SPATA16: variants seen among roughly 807,000 people sequenced by gnomAD.
SPATA16 encodes spermatogenesis-associated protein 16.
Under a neutral mutation model 63.3 loss-of-function variants are expected in SPATA16, and 36 were observed. The ratio of observed to expected loss-of-function variants is 0.57; its 90% CI spans 0.44 to 0.75. The LOEUF (loss-of-function observed/expected upper bound fraction) is 0.75, where lower values mean the gene tolerates loss of function less well. SPATA16 is among the 30% of genes least tolerant of loss of function. SPATA16 has a pLI of 0.00. For synonymous variants in SPATA16, 203 were observed against 216.7 expected (o/e 0.94, Z 0.56); for missense variants, 646 against 679.3 (o/e 0.95, Z 0.54).
At chr3:172,964,757 A>G (rs549521437) in intron 5 of SPATA16, among the ~76,000 whole-genome samples, 1 of 152,308 alleles carries the variant, frequency 6.6e-6, no homozygotes, top group East Asian at 1.9e-4. Flanking sequence ...CAACTAATTA[A>G]TGGCAGGGTT....
At chr3:173,039,656 A>G (rs1735793348) in intron 3 of SPATA16, among the ~76,000 whole-genome samples, 1 of 152,138 alleles carries the variant, frequency 6.6e-6, no homozygotes, top group Admixed American at 6.6e-5. Context: ...AATTTTAAGA[A>G]GAGAAAGAGT....
intron 5 of SPATA16, among the ~76,000 whole-genome samples, chr3:172,972,374 G>A (rs1734065571): frequency 6.6e-6 from 1 of 152,146 alleles, no homozygotes; most frequent in African/African-American, 2.4e-5. Flanking sequence ...CTTCTTTGGA[G>A]CCAAGAGCTT....
chr3:172,928,493 A>G (rs1041432878), intron 6 of SPATA16, among the ~76,000 whole-genome samples: 4 of 152,174 alleles, frequency 2.6e-5, no homozygotes, highest in African/African-American at 4.8e-5. Context: ...GAGATTTGGC[A>G]TTTTCTGGTG....
intron 2 of SPATA16, among the ~76,000 whole-genome samples, chr3:173,067,116 G>A (rs370687598): frequency 3.3e-5 from 5 of 151,862 alleles, no homozygotes; most frequent in African/African-American, 1.2e-4. Flanking sequence ...TATACAATCA[G>A]ACGAGAAAAA....
rs1420407994 is a variant in SPATA16, at chr3:173,060,419, A to T, written c.613-11325T>A. Among the ~76,000 whole-genome samples the T allele has an allele frequency of 2.6e-5, 4 of 152,182 alleles. No homozygotes were observed. In the South Asian group the frequency reaches 8.3e-4, roughly 32 times the overall value. On this transcript the variant is annotated intron_variant, in intron 2 of 10. Transcript: ENST00000351008. The stretch of plus-strand genomic sequence containing the variant: ...AATTAGGGAATTAGAGGAAAAATGA[A>T]AATTATAAAAAAATTAAATTACAGA...
chr3:173,056,705 C>CA (rs71162325), intron 2 of SPATA16, among the ~76,000 whole-genome samples: 2,520 of 73,350 alleles, frequency 0.034, 94 homozygotes, highest in Non-Finnish European at 0.039. Flanking sequence ...ACTCTTGTTT[C>CA]AAAAAAAAAA....
intron 9 of SPATA16, among the ~76,000 whole-genome samples, chr3:172,914,221 T>A (rs968177306): frequency 1.3e-5 from 2 of 152,176 alleles, no homozygotes; most frequent in Non-Finnish European, 2.9e-5. Context: ...TTTTACTGTT[T>A]TTTTCTTTGT....
intron 10 of SPATA16, among the ~76,000 whole-genome samples, chr3:172,900,155 G>C (rs558985997): frequency 6.6e-6 from 1 of 152,124 alleles, no homozygotes; most frequent in South Asian, 2.1e-4. Context: ...CTTCATCTGA[G>C]AATGTCTTAA....
intron 2 of SPATA16, among the ~76,000 whole-genome samples, chr3:173,062,868 A>C (rs1736416735): frequency 6.6e-6 from 1 of 152,166 alleles, no homozygotes; most frequent in African/African-American, 2.4e-5. Context: ...CTCACAACTT[A>C]GCTAGATCCC....
At chr3:173,047,024 T>C (rs1159494879) in intron 3 of SPATA16, among the ~76,000 whole-genome samples, 2 of 151,974 alleles carry the variant, frequency 1.3e-5, no homozygotes, top group African/African-American at 4.8e-5. Flanking sequence ...TTCACTGTTG[T>C]ACACATTAAA....
chr3:172,943,932 A>T (rs1281143805), intron 6 of SPATA16, among the ~76,000 whole-genome samples: 1 of 152,202 alleles, frequency 6.6e-6, no homozygotes, highest in African/African-American at 2.4e-5. Context: ...ATATAGAAAT[A>T]GTAAAAATAC....
intron 6 of SPATA16, among the ~76,000 whole-genome samples, chr3:172,952,316 C>T (rs926575386): frequency 6.6e-6 from 1 of 152,054 alleles, no homozygotes; most frequent in African/African-American, 2.4e-5. Flanking sequence ...TTAAAGTTAC[C>T]AGATTTAACA....
At chr3:172,979,203 C>T (rs1443790095) in intron 4 of SPATA16, among the ~76,000 whole-genome samples, 1 of 151,942 alleles carries the variant, frequency 6.6e-6, no homozygotes, top group Non-Finnish European at 1.5e-5. Context: ...CGCCACTGCA[C>T]TCCAGCCTGG....
chr3:172,889,472 T>G lies in SPATA16; in HGVS notation c.*98A>C. 1.9e-6 allele frequency: 3 copies of G among 1,570,258 alleles called. No individual in the cohort carries two copies. In the South Asian group the frequency reaches 3.4e-5, roughly 18 times the overall value. On this transcript the variant is annotated 3_prime_UTR_variant, in exon 11 of 11. Coordinates refer to ENST00000351008, the MANE Select transcript of SPATA16 (RefSeq NM_031955.6). ...CCACCTCTTTCTTTTGGTGACAAGC[T>G]TTTGTTATCCAGCTTCACAGTACTA...
At chr3:173,064,178 C>T (rs993163039) in intron 2 of SPATA16, among the ~76,000 whole-genome samples, 13 of 151,568 alleles carry the variant, frequency 8.6e-5, no homozygotes, top group African/African-American at 3.2e-4. Context: ...CATGGTGGCA[C>T]GCACCTGTAA....
At chr3:173,137,822 AACACAC>A (rs1185263699) in intron 1 of SPATA16, among the ~76,000 whole-genome samples, 4,999 of 122,230 alleles carry the variant, frequency 0.041, 148 homozygotes, top group African/African-American at 0.094. Flanking sequence ...ATGGACTCTC[AACACAC>A]ACACACACAC....
intron 10 of SPATA16, among the ~76,000 whole-genome samples, chr3:172,900,862 C>T (rs1161032604): frequency 1.3e-5 from 2 of 151,838 alleles, no homozygotes; most frequent in East Asian, 2.0e-4. Context: ...AGGCTGGTCT[C>T]GAACTCCTGA....
At chr3:173,016,626 T>G (rs764913427) in intron 4 of SPATA16, among the ~76,000 whole-genome samples, 1 of 152,236 alleles carries the variant, frequency 6.6e-6, no homozygotes, top group Non-Finnish European at 1.5e-5. Flanking sequence ...GGAAATAACC[T>G]TGATGTGTTG....
At chr3:172,905,273 A>T (rs1378228704) in intron 10 of SPATA16, among the ~76,000 whole-genome samples, 1 of 152,166 alleles carries the variant, frequency 6.6e-6, no homozygotes, top group Non-Finnish European at 1.5e-5. Context: ...GAAAAGGCTG[A>T]CTGCTGGAAA....
Sources: gnomAD v4.1 joint callset for allele counts (sites outside exome capture counted in the v4.1 genomes callset) on GRCh38, gnomAD v4.1.1 for gene constraint, MANE v1.5 for transcripts, NCBI Gene and HGNC (gene_info 2026-07-23, HGNC 2026-07-21) for gene names.